The following BCAR3 variants were observed in gnomAD, a reference collection of about 807,000 sequenced individuals.
BCAR3 encodes the protein BCAR3 adaptor protein, NSP family member.
BCAR3 carries 37 observed loss-of-function variants against 80.1 expected under a neutral mutation model. The ratio of observed to expected loss-of-function variants is 0.46; its 90% CI spans 0.36 to 0.61. The LOEUF is 0.61. Among genes scored for constraint, BCAR3 ranks in the 20% least tolerant of loss-of-function variants. The pLI, the probability that BCAR3 is intolerant of heterozygous loss-of-function variation, is 0.00. For synonymous variants in BCAR3, 389 were observed against 418.9 expected (o/e 0.93, Z 0.87); for missense variants, 978 against 1,068.2 (o/e 0.92, Z 1.18).
chr1:93,706,244 A>T (rs1407553789), intron 2 of BCAR3: 3 of 152,176 alleles, frequency 2.0e-5, no homozygotes, highest in Non-Finnish European at 2.9e-5. Context: ...GTGGGTGAGT[A>T]ACCTGGACCT....
intron 2 of BCAR3, among the ~76,000 whole-genome samples, chr1:93,744,210 C>T (rs140054987): frequency 6.6e-6 from 1 of 152,332 alleles, no homozygotes; most frequent in Non-Finnish European, 1.5e-5. Flanking sequence ...GTCTTAGTCA[C>T]ATTAGAATTT....
intron 2 of BCAR3, among the ~76,000 whole-genome samples, chr1:93,830,919 C>T (rs550783251): frequency 6.6e-6 from 1 of 152,306 alleles, no homozygotes; most frequent in South Asian, 2.1e-4. Flanking sequence ...TCTTCTCCAG[C>T]CTCTCTTGCT....
chr1:93,766,301 G>A, intron 2 of BCAR3, among the ~76,000 whole-genome samples: 1 of 152,202 alleles, frequency 6.6e-6, no homozygotes, highest in African/African-American at 2.4e-5. Flanking sequence ...GCTCTTTGTA[G>A]AGAAGTGATG....
intron 3 of BCAR3, among the ~76,000 whole-genome samples, chr1:93,634,615 A>T (rs1675720734): frequency 6.6e-6 from 1 of 152,032 alleles, no homozygotes; most frequent in South Asian, 2.1e-4. Flanking sequence ...GAATTGCTTG[A>T]ACCGAGGAAG....
chr1:93,637,148 G>A (rs1675808144), intron 3 of BCAR3, among the ~76,000 whole-genome samples: 1 of 151,704 alleles, frequency 6.6e-6, no homozygotes, highest in Non-Finnish European at 1.5e-5. Context: ...AGGAATATAG[G>A]TATAAAGGGG....
intron 3 of BCAR3, among the ~76,000 whole-genome samples, chr1:93,615,099 T>G (rs1417151282): frequency 1.3e-5 from 2 of 151,830 alleles, no homozygotes; most frequent in African/African-American, 4.8e-5. Context: ...TTTTGTGGCT[T>G]CGGCCTCAAA....
chr1:93,750,692 C>A (rs1202949527), intron 2 of BCAR3, among the ~76,000 whole-genome samples: 1 of 152,186 alleles, frequency 6.6e-6, no homozygotes, highest in Non-Finnish European at 1.5e-5. Context: ...CTGAGACCAC[C>A]ACGCTGTGGG....
intron 3 of BCAR3, among the ~76,000 whole-genome samples, chr1:93,618,127 C>G (rs1045417183): frequency 2.6e-5 from 4 of 152,244 alleles, no homozygotes; most frequent in Non-Finnish European, 5.9e-5. Flanking sequence ...AAAGACAGTT[C>G]TACACATTTC....
intron 2 of BCAR3, among the ~76,000 whole-genome samples, chr1:93,645,227 T>C (rs535033382): frequency 6.6e-6 from 1 of 151,118 alleles, no homozygotes; most frequent in East Asian, 2.0e-4. Flanking sequence ...CACATATCCA[T>C]CCACCACACA....
At chr1:93,576,176 G>T in intron 7 of BCAR3, 47 bp from the exon 8 acceptor site, 3 of 1,424,880 alleles carry the variant, frequency 2.1e-6, no homozygotes, top group Non-Finnish European at 3.0e-6. Flanking sequence ...AAGTGGGCTT[G>T]CCTGATCATG....
chr1:93,706,283 C>T (rs41292659), intron 2 of BCAR3: 4 of 152,270 alleles, frequency 2.6e-5, no homozygotes, highest in African/African-American at 7.2e-5. Flanking sequence ...GTCTACAGCC[C>T]CTCCTGGAGT....
chr1:93,567,668 T>C, intron 10 of BCAR3, 72 bp downstream of exon 10: 4 of 1,481,888 alleles, frequency 2.7e-6, no homozygotes, highest in Non-Finnish European at 3.7e-6. Context: ...CAGGGCCTCA[T>C]AACATGCCCT....
At chr1:93,621,809 G>T (rs918674836) in intron 3 of BCAR3, among the ~76,000 whole-genome samples, 1 of 152,206 alleles carries the variant, frequency 6.6e-6, no homozygotes, top group Admixed American at 6.5e-5. Flanking sequence ...AGCCGTCACA[G>T]ATATCGTTTC....
At chr1:93,716,968 A>G (rs1307260124) in intron 2 of BCAR3, among the ~76,000 whole-genome samples, 3 of 152,226 alleles carry the variant, frequency 2.0e-5, no homozygotes, top group Non-Finnish European at 2.9e-5. Flanking sequence ...AACACTTTGC[A>G]GTTCTATCAA....
At chr1:93,688,638 C>G (rs1266298443) in intron 3 of BCAR3, among the ~76,000 whole-genome samples, 3 of 152,070 alleles carry the variant, frequency 2.0e-5, no homozygotes, top group Admixed American at 2.0e-4. Flanking sequence ...CTCTGTTGGC[C>G]AGGCTGGAGT....
intron 2 of BCAR3, among the ~76,000 whole-genome samples, chr1:93,821,402 A>G (rs1309882213): frequency 2.6e-5 from 4 of 152,206 alleles, no homozygotes; most frequent in Admixed American, 2.6e-4. Context: ...CTCTTTAGAG[A>G]TAGCCCTTGG....
At chr1:93,633,622 C>T (rs1211902973) in intron 3 of BCAR3, among the ~76,000 whole-genome samples, 4 of 152,084 alleles carry the variant, frequency 2.6e-5, no homozygotes, top group Non-Finnish European at 5.9e-5. Flanking sequence ...GACTGAAATA[C>T]AAGGCTTTAA....
At chr1:93,656,375 C>T (rs1647380248) in intron 2 of BCAR3, among the ~76,000 whole-genome samples, 1 of 151,688 alleles carries the variant, frequency 6.6e-6, no homozygotes, top group Non-Finnish European at 1.5e-5. Flanking sequence ...TGTGTGATTA[C>T]TTTCTGTCTT....
In BCAR3 at chr1:93,677,708, TA is replaced by T. The variant is rs1194030906; in HGVS notation, c.-11-2768del. On this transcript the variant is annotated intron_variant, in intron 1 of 11. Transcript: ENST00000260502. ...TGGTGCGATGCTGTAACATGCCAAC[TA>T]GTTTCAGAAGGGGACCCACCCCTGC... 3.9e-5 allele frequency among the ~76,000 whole-genome samples: 6 copies of T among 152,226 alleles called. No homozygotes were observed. The East Asian group carries it at 1.2e-3, about 29-fold the overall frequency.
Sources: gnomAD v4.1 joint callset for allele counts (sites outside exome capture counted in the v4.1 genomes callset) on GRCh38, gnomAD v4.1.1 for gene constraint, MANE v1.5 for transcripts, NCBI Gene and HGNC (gene_info 2026-07-23, HGNC 2026-07-21) for gene names.